PTPN3: variants seen among roughly 807,000 people sequenced by gnomAD.
The protein encoded by PTPN3 is tyrosine-protein phosphatase non-receptor type 3.
In PTPN3, 96 loss-of-function variants were observed where a neutral mutation model predicts 132.7. The observed-to-expected ratio is 0.72, with a 90% confidence interval of 0.61 to 0.86. The LOEUF (loss-of-function observed/expected upper bound fraction) is 0.86, where lower values mean the gene tolerates loss of function less well. Among genes scored for constraint, PTPN3 ranks in the 40% least tolerant of loss-of-function variants. PTPN3 has a pLI of 0.00. For missense variants in PTPN3, 1,125 were observed against 1,159.6 expected (o/e 0.97, Z 0.43); for synonymous variants, 398 against 429.0 (o/e 0.93, Z 0.89).
chr9:109,425,595 C>T (rs144038506), intron 12 of PTPN3, among the ~76,000 whole-genome samples: 40 of 150,614 alleles, frequency 2.7e-4, no homozygotes, highest in Admixed American at 1.6e-3. Context: ...CCTGTAATCC[C>T]AGCTACTTGG....
At chr9:109,462,192 G>T (rs535766331) in intron 2 of PTPN3, among the ~76,000 whole-genome samples, 1 of 152,306 alleles carries the variant, frequency 6.6e-6, no homozygotes, top group East Asian at 1.9e-4. Flanking sequence ...GACTTTGGTT[G>T]TCCACCTGAG....
chr9:109,479,034 T>C (rs1421884183), intron 1 of PTPN3, among the ~76,000 whole-genome samples: 1 of 151,510 alleles, frequency 6.6e-6, no homozygotes, highest in Non-Finnish European at 1.5e-5. Flanking sequence ...AATTGTAAAA[T>C]ATATAGGACC....
At chr9:109,416,363 A>G (rs1013844005) in intron 14 of PTPN3, among the ~76,000 whole-genome samples, 8 of 152,108 alleles carry the variant, frequency 5.3e-5, no homozygotes, top group African/African-American at 1.9e-4. Context: ...GGCTGGGGGA[A>G]TTCCTACACT....
chr9:109,415,036 GTCCGTCCGTCCGTCCATCCGTCCA>G (rs1842367767), intron 14 of PTPN3, among the ~76,000 whole-genome samples: 1 of 145,812 alleles, frequency 6.9e-6, no homozygotes, highest in African/African-American at 2.5e-5. Context: ...CCGTCTGTCC[GTCCGTCCGTCCGTCCATCCGTCCA>G]TCCGTCCGTC....
At chr9:109,462,172 A>C (rs755573583) in intron 2 of PTPN3, among the ~76,000 whole-genome samples, 13 of 152,226 alleles carry the variant, frequency 8.5e-5, no homozygotes, top group Admixed American at 1.3e-4. Context: ...CGAAGGGCCC[A>C]AACTTCCATG....
the PTPN3 span, chr9:109,533,824 TC>T: frequency 2.3e-6 from 2 of 879,474 alleles, no homozygotes; most frequent in South Asian, 1.5e-5. Context: ...CCTCGTTCTT[TC>T]CCCCACTCTC....
the PTPN3 span, among the ~76,000 whole-genome samples, chr9:109,514,005 C>T: frequency 6.6e-6 from 1 of 152,198 alleles, no homozygotes; most frequent in Non-Finnish European, 1.5e-5. Flanking sequence ...CTCCATCCTA[C>T]AAGCCTGCTC....
At chr9:109,534,292 C>G in the PTPN3 span, 199 of 1,537,244 alleles carry the variant, frequency 1.3e-4, 4 homozygotes, top group East Asian at 1.7e-3. Flanking sequence ...CGGCGAGCGG[C>G]AAGCGGCGGG....
At chr9:109,533,606 C>A in the PTPN3 span, 1 of 1,545,234 alleles carries the variant, frequency 6.5e-7, no homozygotes, top group South Asian at 1.1e-5. Context: ...GAATCGTGGT[C>A]TATATCCCTG....
At chr9:109,446,128 C>A (rs1305448123) in intron 6 of PTPN3, among the ~76,000 whole-genome samples, 1 of 152,168 alleles carries the variant, frequency 6.6e-6, no homozygotes, top group African/African-American at 2.4e-5. Flanking sequence ...CACTGCTGGG[C>A]AGAACAGGTT....
chr9:109,446,679 C>A (rs957293867), intron 6 of PTPN3, among the ~76,000 whole-genome samples: 3 of 152,164 alleles, frequency 2.0e-5, no homozygotes, highest in Non-Finnish European at 2.9e-5. Context: ...AGAAAAGAGG[C>A]TGAGGAGGTT....
At position 109,436,522 on chromosome 9, in the gene PTPN3, C is replaced by A. The variant is rs146447492; in HGVS notation, c.675+361G>T. On this transcript the variant is annotated intron_variant, in intron 9 of 25. Coordinates refer to ENST00000374541, the MANE Select transcript of PTPN3 (RefSeq NM_002829.4). ...TATGAGTAACTATCTCCAATTTGAG[C>A]AACACTTGAGATTAAGTAGTAGAAA... is the stretch of plus-strand genomic sequence containing the variant. 2.0e-3 allele frequency among the ~76,000 whole-genome samples: 302 copies of A among 152,264 alleles called. 1 individual carries two copies. Among genetic ancestry groups the A allele is most frequent in the African/African-American group, 6.7e-3 (279 of 41,546 alleles).
At chr9:109,537,217 A>G in the PTPN3 span, among the ~76,000 whole-genome samples, 1 of 152,200 alleles carries the variant, frequency 6.6e-6, no homozygotes, top group African/African-American at 2.4e-5. Context: ...GTCCTTAAGG[A>G]TTTACATAGC....
At chr9:109,413,266 T>C (rs1034718812) in intron 14 of PTPN3, among the ~76,000 whole-genome samples, 1 of 152,202 alleles carries the variant, frequency 6.6e-6, no homozygotes. Flanking sequence ...CCCTAACCTA[T>C]TTTCTAAGCA....
intron 1 of PTPN3, among the ~76,000 whole-genome samples, chr9:109,467,981 G>C (rs2132062126): frequency 6.6e-6 from 1 of 152,258 alleles, no homozygotes. Context: ...GGTTCCTAAA[G>C]CAAACCTTGG....
At chr9:109,435,898 C>A (rs1394293752) in intron 9 of PTPN3, among the ~76,000 whole-genome samples, 1 of 152,202 alleles carries the variant, frequency 6.6e-6, no homozygotes, top group Non-Finnish European at 1.5e-5. Flanking sequence ...ACTTGCCTAC[C>A]TCACAGGACT....
intron 1 of PTPN3, among the ~76,000 whole-genome samples, chr9:109,482,380 C>G (rs1588497935): frequency 6.6e-6 from 1 of 152,142 alleles, no homozygotes; most frequent in South Asian, 2.1e-4. Flanking sequence ...TATTAAGAGG[C>G]TTGTTATAAA....
At chr9:109,490,855 G>GGT (rs1554808841) in intron 1 of PTPN3, among the ~76,000 whole-genome samples, 1 of 147,092 alleles carries the variant, frequency 6.8e-6, no homozygotes, top group Non-Finnish European at 1.5e-5. Flanking sequence ...ATTTATAAGA[G>GGT]TTTTTTTTTT....
chr9:109,502,236 G>T (rs1002234217), upstream of PTPN3, among the ~76,000 whole-genome samples: 1 of 152,220 alleles, frequency 6.6e-6, no homozygotes, highest in Non-Finnish European at 1.5e-5. Flanking sequence ...GAATTTATAG[G>T]AAGAGTTTCC....
Sources: allele counts gnomAD v4.1 joint callset (sites outside exome capture counted in the v4.1 genomes callset), GRCh38; gene constraint gnomAD v4.1.1; transcripts MANE v1.5; gene names NCBI Gene and HGNC (gene_info 2026-07-23, HGNC 2026-07-21).